The following METTL25 variants were observed in gnomAD, a reference collection of about 807,000 sequenced individuals.
METTL25 encodes methyltransferase like 25.
Under a neutral mutation model 71.6 loss-of-function variants are expected in METTL25, and 64 were observed. That is an observed-to-expected ratio of 0.89 (90% CI 0.73 to 1.10). The LOEUF (loss-of-function observed/expected upper bound fraction) is 1.10. METTL25 is among the 50% of genes least tolerant of loss of function. METTL25 has a pLI of 0.00. For missense variants in METTL25, 807 were observed against 707.0 expected (o/e 1.14, Z -1.60); for synonymous variants, 287 against 250.3 (o/e 1.15, Z -1.38).
intron 5 of METTL25, among the ~76,000 whole-genome samples, chr12:82,416,198 A>T (rs1293574787): frequency 6.6e-6 from 1 of 152,112 alleles, no homozygotes; most frequent in African/African-American, 2.4e-5. Flanking sequence ...ATCGTTAAGT[A>T]TCTCCTTTAC....
chr12:82,448,350 T>G (rs868739979), intron 8 of METTL25, among the ~76,000 whole-genome samples: 30 of 152,072 alleles, frequency 2.0e-4, no homozygotes, highest in Middle Eastern at 3.2e-3. Flanking sequence ...TTATTATTTA[T>G]AATTGTGATT....
intron 5 of METTL25, among the ~76,000 whole-genome samples, chr12:82,414,422 A>AAATGG (rs1887799724): frequency 6.6e-6 from 1 of 152,186 alleles, no homozygotes; most frequent in South Asian, 2.1e-4. Context: ...AAGTAGTTAG[A>AAATGG]AATGGAACTT....
At chr12:82,437,443 G>T (rs1197293270) in intron 7 of METTL25, among the ~76,000 whole-genome samples, 1 of 151,546 alleles carries the variant, frequency 6.6e-6, no homozygotes. Flanking sequence ...ACTTCAGAGG[G>T]CAGTGCCATC....
chr12:82,389,321 G>A (rs1367877014), intron 2 of METTL25, among the ~76,000 whole-genome samples: 1 of 152,072 alleles, frequency 6.6e-6, no homozygotes, highest in Non-Finnish European at 1.5e-5. Context: ...AGTGTAAATT[G>A]CAATAATCAC....
intron 7 of METTL25, among the ~76,000 whole-genome samples, chr12:82,437,922 G>A (rs1175671592): frequency 1.3e-5 from 2 of 151,510 alleles, no homozygotes; most frequent in Non-Finnish European, 1.5e-5. Flanking sequence ...TATCAATATC[G>A]AGATCTGTGG....
intron 2 of METTL25, 89 bp downstream of exon 2, chr12:82,387,056 T>C (rs1885107610): frequency 1.8e-6 from 2 of 1,085,612 alleles, no homozygotes; most frequent in Admixed American, 4.7e-5. Flanking sequence ...CAAAATATTA[T>C]TAATTTATTG....
In METTL25 at chr12:82,466,008, T is replaced by G. The variant is rs181091227; in HGVS notation, c.1572+9188T>G. ...TCTTGCCTGTTTTTTTTTTTTTACT[T>G]TGTTTCACTAATTGTAGATTTTGTT... On this transcript the variant is annotated intron_variant, in intron 9 of 11. Coordinates refer to ENST00000248306, the MANE Select transcript of METTL25 (RefSeq NM_032230.3). 3.2e-4 allele frequency among the ~76,000 whole-genome samples: 49 copies of G among 151,212 alleles called. No homozygotes were observed. In the East Asian group the frequency reaches 7.2e-3, roughly 22 times the overall value.
chr12:82,392,610 A>G (rs1885699919), intron 3 of METTL25, among the ~76,000 whole-genome samples: 1 of 151,912 alleles, frequency 6.6e-6, no homozygotes, highest in South Asian at 2.1e-4. Flanking sequence ...ACTTTGCTGT[A>G]CAGAAGGTTA....
intron 4 of METTL25, among the ~76,000 whole-genome samples, chr12:82,401,854 T>C (rs1193682357): frequency 6.6e-6 from 1 of 152,068 alleles, no homozygotes; most frequent in Non-Finnish European, 1.5e-5. Context: ...TTGAGTGTCA[T>C]CTGGAAAATT....
At chr12:82,444,687 T>C (rs1465991441) in intron 8 of METTL25, among the ~76,000 whole-genome samples, 2 of 152,130 alleles carry the variant, frequency 1.3e-5, no homozygotes, top group African/African-American at 4.8e-5. Flanking sequence ...TTAGCTTTTT[T>C]ATAGTAACAA....
chr12:82,374,871 C>G lies in METTL25; in HGVS notation c.260-11932C>G, dbSNP rs189175386. On this transcript the variant is annotated intron_variant, in intron 1 of 11. Transcript: ENST00000248306. ...TGTTAAACTTTTTGAAATCATCCTT[C>G]CATGGGGACAATAGTGGTCTAGAGA... Among the ~76,000 whole-genome samples, 563 of 152,244 alleles carry G rather than the reference C, an allele frequency of 3.7e-3. 5 individuals carry two copies. The highest frequency in any genetic ancestry group is 0.013 in the African/African-American group (524 of 41,544).
intron 1 of METTL25, among the ~76,000 whole-genome samples, chr12:82,364,664 A>G (rs1882357189): frequency 6.6e-6 from 1 of 152,234 alleles, no homozygotes; most frequent in Non-Finnish European, 1.5e-5. Flanking sequence ...GATGATGTAT[A>G]CATAGCACCT....
chr12:82,434,644 T>C (rs1463327682), intron 6 of METTL25, 51 bp from the exon 7 acceptor site: 1 of 1,394,260 alleles, frequency 7.2e-7, no homozygotes, highest in Admixed American at 2.3e-5. Flanking sequence ...TGTTTATAAA[T>C]CTTATAAGAC....
At position 82,404,494 on chromosome 12, in the gene METTL25, T is replaced by C. The variant is rs867082736; in HGVS notation, c.1279+1364T>C. ...TCACAGTTCTACAGCTTTTTAAATGTTCTGTGTATAACATTTTCCTTAATT... is the reference window on the plus strand; with the variant it reads ...TCACAGTTCTACAGCTTTTTAAATGCTCTGTGTATAACATTTTCCTTAATT... On this transcript the variant is annotated intron_variant, in intron 5 of 11. Transcript: ENST00000248306. 4.6e-5 allele frequency among the ~76,000 whole-genome samples: 7 copies of C among 152,204 alleles called. No individual in the cohort carries two copies. The South Asian group carries it at 1.4e-3, about 32-fold the overall frequency.
intron 5 of METTL25, among the ~76,000 whole-genome samples, chr12:82,426,745 G>A (rs1889059676): frequency 6.6e-6 from 1 of 151,890 alleles, no homozygotes; most frequent in Non-Finnish European, 1.5e-5. Flanking sequence ...TCCCTTGCTG[G>A]CTTCCATCTG....
chr12:82,376,792 C>T (rs1315527344), intron 1 of METTL25, among the ~76,000 whole-genome samples: 2 of 152,084 alleles, frequency 1.3e-5, no homozygotes, highest in Non-Finnish European at 2.9e-5. Flanking sequence ...GGGGGAGAGT[C>T]ATTTTTCATC....
chr12:82,394,649 G>A (rs1474759545), intron 3 of METTL25, among the ~76,000 whole-genome samples: 1 of 151,852 alleles, frequency 6.6e-6, no homozygotes, highest in Non-Finnish European at 1.5e-5. Flanking sequence ...TTGCCCTAGT[G>A]GCATTTATGT....
At chr12:82,395,739 A>G (rs111562537) in intron 3 of METTL25, among the ~76,000 whole-genome samples, 8 of 152,192 alleles carry the variant, frequency 5.3e-5, no homozygotes, top group African/African-American at 1.9e-4. Flanking sequence ...CAGGTATTGG[A>G]CTAGAGACTC....
chr12:82,375,450 A>T lies in METTL25; in HGVS notation c.260-11353A>T, dbSNP rs563311856. On this transcript the variant is annotated intron_variant, in intron 1 of 11. Transcript: ENST00000248306. ...GCCTCTAGAGCTGTGAGGAAAAAAAAAAATATATATATGTTCTTTATAAAT... is the reference window on the plus strand; with the variant it reads ...GCCTCTAGAGCTGTGAGGAAAAAAATAAATATATATATGTTCTTTATAAAT... 4.4e-3 allele frequency among the ~76,000 whole-genome samples: 206 copies of T among 46,352 alleles called. 1 individual carries two copies. Among genetic ancestry groups the T allele is most frequent in the African/African-American group, 0.013 (192 of 15,158 alleles). The allele number at this position is 46,352 out of a possible 152,430, so 30.4% of individuals were successfully genotyped here.
Sources: gnomAD v4.1 joint callset for allele counts (sites outside exome capture counted in the v4.1 genomes callset) on GRCh38, gnomAD v4.1.1 for gene constraint, MANE v1.5 for transcripts, NCBI Gene and HGNC (gene_info 2026-07-23, HGNC 2026-07-21) for gene names.